PAK4: variants seen among roughly 807,000 people sequenced by gnomAD.
PAK4 encodes p21 (RAC1) activated kinase 4, also known as serine/threonine-protein kinase PAK 4.
PAK4 carries 49 observed loss-of-function variants against 53.5 expected under a neutral mutation model. The observed-to-expected ratio is 0.92, with a 90% confidence interval of 0.73 to 1.16. The LOEUF is 1.16. Ranked by LOEUF, PAK4 falls within the 50% of genes most tolerant of loss-of-function variation. The probability of loss-of-function intolerance (pLI) is 0.00; values close to 1 mark genes in which losing one functional copy is unlikely to be tolerated. For synonymous variants in PAK4, 376 were observed against 375.6 expected, an observed-to-expected ratio of 1.00 and a Z score of -0.01; for missense variants, 824 against 850.7, an observed-to-expected ratio of 0.97 and a Z score of 0.39.
intron 1 of PAK4, among the ~76,000 whole-genome samples, chr19:39,135,493 G>A (rs552524102): frequency 1.3e-5 from 2 of 151,922 alleles, no homozygotes; most frequent in Non-Finnish European, 2.9e-5. Context: ...GTGCCACCAC[G>A]CACGGCTAAT....
rs1218840510 is a variant in PAK4 at position 39,178,302 on chromosome 19, C to T, written c.1621-122C>T. ...CCAAGATCTAGACACCCATGACCTC[C>T]GCCCCCTGCCCTCCTGCACAGTACA... is the stretch of plus-strand genomic sequence containing the variant. On this transcript the variant is annotated intron_variant, in intron 8 of 8. Transcript: ENST00000358301. The surrounding 1 kb of genome is among the most constrained non-coding windows in gnomAD (Gnocchi z 4.4). 3.2e-5 allele frequency: 32 copies of T among 1,012,630 alleles called. No individual in the cohort carries two copies. The highest frequency in any genetic ancestry group is 1.3e-5 in the Non-Finnish European group (9 of 700,544). 62.7% of individuals were successfully genotyped at this position (1,012,630 alleles called of 1,614,324 possible). A position where few individuals can be genotyped will look rare whatever the true frequency, so the allele number is the denominator to read the frequency against.
At chr19:39,136,787 T>TGACTGAACTG (rs2073823336) in intron 1 of PAK4, among the ~76,000 whole-genome samples, 1 of 152,116 alleles carries the variant, frequency 6.6e-6, no homozygotes, top group East Asian at 1.9e-4. Context: ...GACTGAACTG[T>TGACTGAACTG]AGTAAGCTGG....
intron 1 of PAK4, among the ~76,000 whole-genome samples, chr19:39,149,424 C>T (rs941630610): frequency 6.6e-6 from 1 of 152,252 alleles, no homozygotes; most frequent in East Asian, 1.9e-4. Context: ...TCCACTTGTA[C>T]GAAGGACCTA....
chr19:39,140,448 G>A (rs1171632227), intron 1 of PAK4, among the ~76,000 whole-genome samples: 4 of 152,294 alleles, frequency 2.6e-5, no homozygotes, highest in Middle Eastern at 3.4e-3. Context: ...CTGTCCCCAC[G>A]GGTTGACTCT....
intron 1 of PAK4, among the ~76,000 whole-genome samples, chr19:39,166,602 G>C (rs560084961): frequency 2.0e-5 from 3 of 152,218 alleles, no homozygotes; most frequent in South Asian, 4.1e-4. Flanking sequence ...CAGAAAGTGA[G>C]GTCATATAGG....
In PAK4 at chr19:39,172,891, C is replaced by T. The variant is rs532675907; in HGVS notation, c.205-27C>T. 6.0e-6 allele frequency: 9 copies of T among 1,503,940 alleles called. No homozygotes were observed. The East Asian group carries it at 2.2e-4, about 37-fold the overall frequency. The allele number at this position is 1,503,940 out of a possible 1,614,324, so 93.2% of individuals were successfully genotyped here. On this transcript the variant is annotated intron_variant, in intron 2 of 8. Coordinates refer to ENST00000358301, the Ensembl canonical transcript of PAK4. ...TGTGTGCCCCACTCCTTGCTGGGCCCCCACCCACCATTGCCTGGGACCCCA... is the reference window on the plus strand; with the variant it reads ...TGTGTGCCCCACTCCTTGCTGGGCCTCCACCCACCATTGCCTGGGACCCCA...
chr19:39,156,476 C>T (rs1052374207), intron 1 of PAK4, among the ~76,000 whole-genome samples: 13 of 152,140 alleles, frequency 8.5e-5, no homozygotes, highest in African/African-American at 2.4e-4. Context: ...GGGGGTGAGG[C>T]GGGGTGTGCC....
intron 1 of PAK4, among the ~76,000 whole-genome samples, chr19:39,145,649 C>T (rs2073986973): frequency 6.6e-6 from 1 of 152,176 alleles, no homozygotes; most frequent in Non-Finnish European, 1.5e-5. Context: ...AGGGGCCCTC[C>T]CTGAGCTTAT....
intron 2 of PAK4, among the ~76,000 whole-genome samples, chr19:39,171,880 C>G (rs1455597344): frequency 6.6e-6 from 1 of 152,248 alleles, no homozygotes; most frequent in Non-Finnish European, 1.5e-5. Flanking sequence ...TGAGCCCCTG[C>G]TGTGCGCCAG....
At chr19:39,157,001 T>A (rs1011253294) in intron 1 of PAK4, among the ~76,000 whole-genome samples, 3 of 152,042 alleles carry the variant, frequency 2.0e-5, no homozygotes, top group Admixed American at 2.0e-4. Flanking sequence ...TTTCCATGTG[T>A]GCGAGATGGC....
intron 1 of PAK4, among the ~76,000 whole-genome samples, chr19:39,153,774 G>A (rs969979490): frequency 6.6e-6 from 1 of 151,940 alleles, no homozygotes; most frequent in Non-Finnish European, 1.5e-5. Flanking sequence ...GTAGAGATGG[G>A]GTTTCACAAT....
At chr19:39,147,299 G>C (rs755509525) in intron 1 of PAK4, among the ~76,000 whole-genome samples, 1 of 152,148 alleles carries the variant, frequency 6.6e-6, no homozygotes, top group South Asian at 2.1e-4. Flanking sequence ...TATCCCCTCA[G>C]CATGATTCTC....
chr19:39,137,156 TG>T lies in PAK4; in HGVS notation c.-23+11238del, dbSNP rs1490129286. Among the ~76,000 whole-genome samples the T allele has an allele frequency of 5.4e-4, 76 of 141,976 alleles. No individual in the cohort carries two copies. The East Asian group carries it at 0.013, about 24-fold the overall frequency. 93.1% of individuals were successfully genotyped at this position (141,976 alleles called of 152,430 possible). A position where few individuals can be genotyped will look rare whatever the true frequency, so the allele number is the denominator to read the frequency against. On this transcript the variant is annotated intron_variant, in intron 1 of 8. Transcript: ENST00000358301. ...CCTGATACATAAATATAAATGTGAT[TG>T]TTTATTTTTTTCCAACAAATTTGGT...
chr19:39,176,704 T>A, exon 7 of PAK4: 1 of 1,610,188 alleles, frequency 6.2e-7, no homozygotes, highest in Non-Finnish European at 8.5e-7. Flanking sequence ...CCGCCTTCCC[T>A]ACGGGCCAGA....
chr19:39,171,353 C>T (rs1205465699), intron 2 of PAK4, among the ~76,000 whole-genome samples: 1 of 152,138 alleles, frequency 6.6e-6, no homozygotes, highest in Non-Finnish European at 1.5e-5. Context: ...GGATTACAGG[C>T]GCCCACCACT....
chr19:39,163,144 G>A (rs1405654731), intron 1 of PAK4, among the ~76,000 whole-genome samples: 2 of 152,214 alleles, frequency 1.3e-5, no homozygotes, highest in Admixed American at 1.3e-4. Flanking sequence ...GAGGCAGGGA[G>A]GGGCCCTCCC....
intron 1 of PAK4, among the ~76,000 whole-genome samples, chr19:39,153,527 C>T (rs558625903): frequency 1.3e-5 from 2 of 152,280 alleles, no homozygotes; most frequent in East Asian, 1.9e-4. Flanking sequence ...CTGCAACCTT[C>T]GCCTCCCAGG....
intron 1 of PAK4, among the ~76,000 whole-genome samples, chr19:39,143,367 G>C (rs2073941920): frequency 6.7e-6 from 1 of 150,304 alleles, no homozygotes; most frequent in Non-Finnish European, 1.5e-5. Context: ...AAGGTGGGTG[G>C]ATCACCTGAG....
intron 1 of PAK4, among the ~76,000 whole-genome samples, chr19:39,126,178 C>T (rs986902834): frequency 2.6e-5 from 4 of 151,742 alleles, no homozygotes; most frequent in Non-Finnish European, 5.9e-5. Context: ...GGGTTCTGGG[C>T]GAGTCTCAAA....
Sources: allele counts gnomAD v4.1 joint callset (sites outside exome capture counted in the v4.1 genomes callset), GRCh38; gene constraint gnomAD v4.1.1; non-coding constraint Gnocchi (gnomAD v3.1); transcripts MANE v1.5; gene names NCBI Gene and HGNC (gene_info 2026-07-23, HGNC 2026-07-21).